The following MIPOL1 variants were observed in gnomAD, a reference collection of about 807,000 sequenced individuals.
The protein encoded by MIPOL1 is mirror-image polydactyly 1.
Under a neutral mutation model 60.9 loss-of-function variants are expected in MIPOL1, and 57 were observed. The observed-to-expected ratio is 0.94, with a 90% confidence interval of 0.76 to 1.17. The LOEUF (loss-of-function observed/expected upper bound fraction) is 1.17, where lower values mean the gene tolerates loss of function less well. MIPOL1 is among the 50% of genes most tolerant of loss of function. The probability of loss-of-function intolerance (pLI) is 0.00; values close to 1 mark genes in which losing one functional copy is unlikely to be tolerated. For missense variants in MIPOL1, 551 were observed against 511.6 expected (o/e 1.08, Z -0.74); for synonymous variants, 179 against 168.8 (o/e 1.06, Z -0.47).
intron 10 of MIPOL1, among the ~76,000 whole-genome samples, chr14:37,378,234 C>G (rs2092829240): frequency 6.6e-6 from 1 of 152,022 alleles, no homozygotes; most frequent in Admixed American, 6.6e-5. Context: ...AAATCATGTA[C>G]ATAAATGATC....
chr14:37,414,723 T>C (rs571962334), intron 10 of MIPOL1, among the ~76,000 whole-genome samples: 1 of 152,276 alleles, frequency 6.6e-6, no homozygotes, highest in Non-Finnish European at 1.5e-5. Flanking sequence ...GCCAAAGTGA[T>C]ACAATACTTT....
intron 10 of MIPOL1, chr14:37,396,998 G>A (rs1307675945): frequency 1.3e-5 from 2 of 152,048 alleles, no homozygotes; most frequent in Non-Finnish European, 2.9e-5. Flanking sequence ...TTTCTTCTTG[G>A]TTTGGATCCA....
At chr14:37,453,539 CTGAG>C (rs1288422273) in intron 11 of MIPOL1, among the ~76,000 whole-genome samples, 1 of 152,016 alleles carries the variant, frequency 6.6e-6, no homozygotes, top group Non-Finnish European at 1.5e-5. Flanking sequence ...CTGCTTGACT[CTGAG>C]TAATTATTTG....
At chr14:37,418,101 G>C (rs1287042257) in intron 10 of MIPOL1, among the ~76,000 whole-genome samples, 1 of 152,110 alleles carries the variant, frequency 6.6e-6, no homozygotes, top group Non-Finnish European at 1.5e-5. Context: ...AGATGTCTCT[G>C]TTCTAAGATA....
At chr14:37,249,299 G>C (rs1039476726) in intron 3 of MIPOL1, among the ~76,000 whole-genome samples, 1 of 151,998 alleles carries the variant, frequency 6.6e-6, no homozygotes, top group Non-Finnish European at 1.5e-5. Context: ...CTCCTGTTCA[G>C]CATAGTCCTG....
At chr14:37,267,597 T>C (rs575374687) in intron 4 of MIPOL1, among the ~76,000 whole-genome samples, 10 of 152,288 alleles carry the variant, frequency 6.6e-5, no homozygotes, top group South Asian at 2.1e-4. Context: ...TCTAAACTTA[T>C]TAGAACTTGG....
At chr14:37,452,358 T>G (rs1156846652) in intron 11 of MIPOL1, among the ~76,000 whole-genome samples, 3 of 152,186 alleles carry the variant, frequency 2.0e-5, no homozygotes, top group Non-Finnish European at 4.4e-5. Flanking sequence ...AATGAAAACT[T>G]GATTAAAGTT....
chr14:37,224,849 T>G (rs1009626019), intron 1 of MIPOL1, among the ~76,000 whole-genome samples: 2 of 152,212 alleles, frequency 1.3e-5, no homozygotes, highest in Non-Finnish European at 2.9e-5. Context: ...GGAAAGTCCC[T>G]TCTGCCTATG....
intron 1 of MIPOL1, among the ~76,000 whole-genome samples, chr14:37,231,453 G>A (rs1331259313): frequency 6.6e-6 from 1 of 152,108 alleles, no homozygotes; most frequent in African/African-American, 2.4e-5. Context: ...CCAAAATAAT[G>A]GAAGTTCTGC....
intron 11 of MIPOL1, among the ~76,000 whole-genome samples, chr14:37,496,717 C>T (rs1594729806): frequency 6.6e-6 from 1 of 152,046 alleles, no homozygotes; most frequent in African/African-American, 2.4e-5. Context: ...GTGAAAATGG[C>T]CATACTGCCC....
chr14:37,412,059 A>T (rs1281752146), intron 10 of MIPOL1, among the ~76,000 whole-genome samples: 3 of 152,260 alleles, frequency 2.0e-5, no homozygotes, highest in Middle Eastern at 3.4e-3. Flanking sequence ...TAACTTGTTC[A>T]GTCATAGAGC....
At chr14:37,270,787 T>G (rs563434336) in intron 6 of MIPOL1, among the ~76,000 whole-genome samples, 2 of 152,174 alleles carry the variant, frequency 1.3e-5, no homozygotes, top group African/African-American at 4.8e-5. Flanking sequence ...ACAAAAAGGT[T>G]GTTTGTTTTG....
At chr14:37,525,134 T>C (rs1315203785) in intron 12 of MIPOL1, among the ~76,000 whole-genome samples, 1 of 152,194 alleles carries the variant, frequency 6.6e-6, no homozygotes, top group Non-Finnish European at 1.5e-5. Flanking sequence ...TGCCTTCCAA[T>C]TCAATTATTA....
chr14:37,262,312 A>T (rs553560527), intron 3 of MIPOL1, among the ~76,000 whole-genome samples: 1 of 151,332 alleles, frequency 6.6e-6, no homozygotes, highest in African/African-American at 2.4e-5. Flanking sequence ...AATATTCATT[A>T]AAAAAAAAGT....
Position 37,268,716 on chromosome 14 carries a change from A to G in MIPOL1, c.310A>G (p.Thr104Ala), listed in dbSNP as rs1416294525. The G allele has an allele frequency of 1.2e-6, 2 of 1,601,624 alleles. No individual in the cohort carries two copies. Among genetic ancestry groups the G allele is most frequent in the Admixed American group, 3.4e-5 (2 of 58,838 alleles). ...HYECMTPCQV[T>A]SDSDKEKTIA... ...TGAATGTATGACTCCTTGTCAAGTT[A>G]CTTCAGACTCAGATAAAGAGAAGAC... Residue 104 changes from threonine to alanine, a missense_variant, in exon 5 of 13, where the codon ACT becomes GCT. Coordinates refer to ENST00000684589, the MANE Select transcript of MIPOL1 (RefSeq NM_001388067.1).
intron 6 of MIPOL1, among the ~76,000 whole-genome samples, chr14:37,281,616 G>C (rs1235456237): frequency 6.6e-6 from 1 of 152,084 alleles, no homozygotes; most frequent in East Asian, 1.9e-4. Flanking sequence ...TGTTGTCCAG[G>C]CTGGTCTCGA....
intron 7 of MIPOL1, among the ~76,000 whole-genome samples, chr14:37,291,232 T>G (rs901151293): frequency 6.6e-6 from 1 of 152,024 alleles, no homozygotes; most frequent in African/African-American, 2.4e-5. Flanking sequence ...CTCATGAAAA[T>G]TTTAGGTCTA....
At chr14:37,545,181 T>C (rs866039459) in intron 12 of MIPOL1, among the ~76,000 whole-genome samples, 1 of 152,246 alleles carries the variant, frequency 6.6e-6, no homozygotes, top group Non-Finnish European at 1.5e-5. Flanking sequence ...GCTACTAATA[T>C]CTTATAATGA....
At chr14:37,362,863 T>A (rs527329481) in intron 9 of MIPOL1, among the ~76,000 whole-genome samples, 1 of 152,322 alleles carries the variant, frequency 6.6e-6, no homozygotes, top group South Asian at 2.1e-4. Flanking sequence ...TAATTTGATC[T>A]TCTATCACTG....
Sources: allele counts gnomAD v4.1 joint callset (sites outside exome capture counted in the v4.1 genomes callset), GRCh38; gene constraint gnomAD v4.1.1; transcripts MANE v1.5; gene names NCBI Gene and HGNC (gene_info 2026-07-23, HGNC 2026-07-21).